Variants in PGR observed in about 807,000 individuals in gnomAD.
PGR encodes the protein progesterone receptor.
In PGR, 25 loss-of-function variants were observed where a neutral mutation model predicts 76.1. That is an observed-to-expected ratio of 0.33 (90% CI 0.24 to 0.46). PGR has a LOEUF of 0.46. PGR is among the 20% of genes least tolerant of loss of function. The pLI is 1.00. For synonymous variants in PGR, 579 were observed against 535.0 expected (o/e 1.08, Z -1.14); for missense variants, 1,172 against 1,225.3 (o/e 0.96, Z 0.65).
chr11:101,097,482 C>T (rs1279405834), intron 2 of PGR, among the ~76,000 whole-genome samples: 1 of 152,170 alleles, frequency 6.6e-6, no homozygotes, highest in East Asian at 1.9e-4. Context: ...AGGAACTACT[C>T]AGTTTGATAC....
At chr11:101,065,541 C>A (rs1036599029) in intron 3 of PGR, among the ~76,000 whole-genome samples, 3 of 152,064 alleles carry the variant, frequency 2.0e-5, no homozygotes, top group Non-Finnish European at 4.4e-5. Flanking sequence ...ACTCTGAATT[C>A]AGTGACTAGA....
intron 2 of PGR, among the ~76,000 whole-genome samples, chr11:101,099,851 T>C (rs1047042632): frequency 6.6e-6 from 1 of 152,128 alleles, no homozygotes; most frequent in African/African-American, 2.4e-5. Context: ...AAAACTGTGC[T>C]CTCTAACTTC....
intron 3 of PGR, among the ~76,000 whole-genome samples, chr11:101,069,706 G>T (rs1029867607): frequency 7.2e-5 from 11 of 152,166 alleles, no homozygotes; most frequent in African/African-American, 2.4e-4. Context: ...CATGTCTTTT[G>T]CAGGGACATG....
Position 101,128,135 on chromosome 11 carries a change from A to C in PGR, c.936T>G (p.Asn312Lys). 6.3e-7 allele frequency: 1 copy of C among 1,598,206 alleles called. No individual in the cohort carries two copies. Among genetic ancestry groups the C allele is most frequent in the South Asian group, 1.1e-5 (1 of 91,056 alleles). Residue 312 changes from asparagine (N) to lysine (K), a missense_variant, in exon 1 of 8, where the codon AAT becomes AAG. Around this residue, in one of 4 missense-constraint regions of PGR, gnomAD observed 893 missense variants for 785.9 expected, o/e 1.14. Coordinates refer to ENST00000325455, the MANE Select transcript of PGR (RefSeq NM_000926.4). ...GAGTGCGGGCTGCCAATAAGGCGTG[A>C]TTGAGAGGCAGGATAGGCACGTGGA... ...DFIHVPILPLNHALLAARTRQ... is the reference protein window; with the variant it reads ...DFIHVPILPLKHALLAARTRQ...
At position 101,112,008 on chromosome 11, in the gene PGR, C is replaced by G. The variant is rs532399504; in HGVS notation, c.1789+13999G>C. Among the ~76,000 whole-genome samples the G allele has an allele frequency of 3.6e-4, 55 of 152,110 alleles. No homozygotes were observed. The South Asian group carries it at 0.011, about 30-fold the overall frequency. Reference sequence around the variant, plus strand: ...CAAGAGAGGGTCGTGTCTTGAAAACCAAGCGAATAAAGTATTTGCAGGAAG... The same window carrying G: ...CAAGAGAGGGTCGTGTCTTGAAAACGAAGCGAATAAAGTATTTGCAGGAAG... On this transcript the variant is annotated intron_variant, in intron 2 of 7. Coordinates refer to ENST00000325455, the MANE Select transcript of PGR (RefSeq NM_000926.4).
rs772659505 is a variant in PGR, at chr11:101,128,085, T to C, written c.986A>G (p.Tyr329Cys). 23 of 1,600,290 alleles carry C rather than the reference T, an allele frequency of 1.4e-5. No individual in the cohort carries two copies. The East Asian group carries it at 5.1e-4, about 36-fold the overall frequency. Residue 329 changes from tyrosine (Y) to cysteine (C), a missense_variant, in exon 1 of 8, where the codon TAC becomes TGC. Tyr to Cys is a radical substitution (Grantham distance 194). Coordinates refer to ENST00000325455, the MANE Select transcript of PGR (RefSeq NM_000926.4). Reference sequence around the variant, plus strand: ...GCTGGCAGCCCCGGCCCCGCCGTCGTAACTTTCGTCTTCCAGCAGCTGCCG... The same window carrying C: ...GCTGGCAGCCCCGGCCCCGCCGTCGCAACTTTCGTCTTCCAGCAGCTGCCG... Reference protein sequence around the residue: ...RTRQLLEDESYDGGAGAASAF... With the variant: ...RTRQLLEDESCDGGAGAASAF...
At chr11:101,039,546 G>A (rs1218868416) in intron 7 of PGR, among the ~76,000 whole-genome samples, 3 of 145,862 alleles carry the variant, frequency 2.1e-5, no homozygotes, top group Admixed American at 1.4e-4. Context: ...GAACATTTTG[G>A]TGTATTACTC....
chr11:101,096,745 C>T (rs188879282), intron 2 of PGR, among the ~76,000 whole-genome samples: 1 of 152,358 alleles, frequency 6.6e-6, no homozygotes, highest in African/African-American at 2.4e-5. Context: ...TTGAGAAACA[C>T]ATCCCTGTCT....
intron 3 of PGR, among the ~76,000 whole-genome samples, chr11:101,068,967 T>A (rs929916119): frequency 6.6e-6 from 1 of 152,154 alleles, no homozygotes; most frequent in Non-Finnish European, 1.5e-5. Flanking sequence ...GGCAAAGACT[T>A]CATGACTAAA....
At chr11:101,126,181 T>G (rs1428087203) in intron 1 of PGR, 23 bp from the exon 2 acceptor site, 4 of 1,612,100 alleles carry the variant, frequency 2.5e-6, no homozygotes, top group Middle Eastern at 1.7e-4. Flanking sequence ...AACAAAGTAC[T>G]CCATTTATTT....
chr11:101,128,294 C>G lies in PGR; in HGVS notation c.777G>C (p.Gly259=). 6.3e-7 allele frequency: 1 copy of G among 1,592,414 alleles called. No homozygotes were observed. Among genetic ancestry groups the G allele is most frequent in the South Asian group, 1.1e-5 (1 of 90,142 alleles). Residue 259 remains glycine (G), a synonymous_variant, in exon 1 of 8, where the codon GGG becomes GGC. Transcript: ENST00000325455. ...CCAGGGCGACGCCTCCTGCTGCCGC[C>G]CCCGGCGGGACAGCCGCGGCTCCTC... ...AGGGAAAVPP[G]AAAGGVALVP...
At chr11:101,124,103 T>A (rs562513574) in intron 2 of PGR, among the ~76,000 whole-genome samples, 10 of 152,306 alleles carry the variant, frequency 6.6e-5, no homozygotes, top group African/African-American at 2.2e-4. Flanking sequence ...TTGTTCTAGT[T>A]TCATGAATGA....
At position 101,128,746 on chromosome 11, in the gene PGR, C is replaced by T. The variant is rs1862986980; in HGVS notation, c.325G>A (p.Gly109Arg). 6.2e-7 allele frequency: 1 copy of T among 1,613,564 alleles called. No homozygotes were observed. The highest frequency in any genetic ancestry group is 8.5e-7 in the Non-Finnish European group (1 of 1,180,008). The change falls in exon 1 of 8, where the codon GGA becomes AGA. Residue 109 changes from glycine to arginine, a missense_variant. Physicochemically the swap from Gly to Arg is moderately radical, Grantham distance 125. Coordinates refer to ENST00000325455, the MANE Select transcript of PGR (RefSeq NM_000926.4). ...SSSSPPEKDS[G>R]LLDSVLDTLL... ...GTGTCCAAGACACTGTCCAGCAGTC[C>T]GCTGTCCTTTTCTGGGGGACTAGAA...
chr11:101,108,591 C>A (rs1218867893), intron 2 of PGR, among the ~76,000 whole-genome samples: 1 of 152,220 alleles, frequency 6.6e-6, no homozygotes, highest in Non-Finnish European at 1.5e-5. Context: ...GCTTCAAACA[C>A]AGTGCCCAGT....
At chr11:101,054,944 A>G (rs1338325991) in intron 4 of PGR, among the ~76,000 whole-genome samples, 1 of 152,146 alleles carries the variant, frequency 6.6e-6, no homozygotes, top group Non-Finnish European at 1.5e-5. Flanking sequence ...ATGCCATAAA[A>G]AAAAGTGTTA....
intron 2 of PGR, among the ~76,000 whole-genome samples, chr11:101,120,312 C>T (rs1348050024): frequency 6.6e-6 from 1 of 152,176 alleles, no homozygotes; most frequent in Non-Finnish European, 1.5e-5. Context: ...AGGATCAATA[C>T]ATGTATCTGA....
intron 3 of PGR, among the ~76,000 whole-genome samples, chr11:101,090,226 T>C (rs1040612905): frequency 2.0e-5 from 3 of 152,032 alleles, no homozygotes; most frequent in African/African-American, 7.3e-5. Context: ...CCCTAGAATA[T>C]TAAAAGATAA....
rs1188893848 is a variant in PGR at position 101,049,986 on chromosome 11, G to A, written c.2431C>T (p.Leu811Phe). ...AGGAACTCTTCTTGGCTAACTTGAA[G>A]CTTGACAAACTCCTGTGGGATCTGC... ...MWQIPQEFVK[L>F]QVSQEEFLCM... The change falls in exon 6 of 8, where the codon CTT becomes TTT. Residue 811 changes from leucine (L) to phenylalanine (F), a missense_variant. Physicochemically the swap from Leu to Phe is conservative, Grantham distance 22 (BLOSUM62 0). This residue lies in a region of PGR where 166 missense variants were observed against 296.0 expected (regional missense o/e 0.56). Coordinates refer to ENST00000325455, the MANE Select transcript of PGR (RefSeq NM_000926.4). 1 of 1,612,374 alleles carries A rather than the reference G, an allele frequency of 6.2e-7. No homozygotes were observed. The highest frequency in any genetic ancestry group is 2.2e-5 in the East Asian group (1 of 44,736).
chr11:101,055,390 T>C (rs952917043), intron 4 of PGR, among the ~76,000 whole-genome samples: 2 of 114,166 alleles, frequency 1.8e-5, no homozygotes, highest in Non-Finnish European at 3.2e-5. Context: ...CACTCCAGCC[T>C]GGTGACACAG....
Sources: allele counts gnomAD v4.1 joint callset (sites outside exome capture counted in the v4.1 genomes callset), GRCh38; gene constraint gnomAD v4.1.1; regional missense constraint gnomAD v4.1.1; transcripts MANE v1.5; gene names NCBI Gene and HGNC (gene_info 2026-07-23, HGNC 2026-07-21).